Variants in ARFGEF2 observed in about 807,000 individuals in gnomAD.
ARFGEF2 encodes the protein brefeldin A-inhibited guanine nucleotide-exchange protein 2.
Under a neutral mutation model 219.9 loss-of-function variants are expected in ARFGEF2, and 74 were observed. That is an observed-to-expected ratio of 0.34 (90% CI 0.28 to 0.41). The LOEUF (loss-of-function observed/expected upper bound fraction) is 0.41. Ranked by LOEUF, ARFGEF2 falls within the 10% of genes least tolerant of loss-of-function variation. The pLI is 1.00. For missense variants in ARFGEF2, 1,743 were observed against 2,218.3 expected, an observed-to-expected ratio of 0.79 and a Z score of 4.30; for synonymous variants, 733 against 799.2, an observed-to-expected ratio of 0.92 and a Z score of 1.40.
At chr20:48,942,943 C>T (rs1009433779) in intron 3 of ARFGEF2, among the ~76,000 whole-genome samples, 1 of 152,110 alleles carries the variant, frequency 6.6e-6, no homozygotes, top group Non-Finnish European at 1.5e-5. Flanking sequence ...ACATTGAACT[C>T]AGGGGCCACG....
intron 1 of ARFGEF2, among the ~76,000 whole-genome samples, chr20:48,934,228 T>C (rs1254218154): frequency 6.6e-6 from 1 of 151,966 alleles, no homozygotes; most frequent in Non-Finnish European, 1.5e-5. Context: ...AACCCAGCTC[T>C]GTCTCACACC....
intron 1 of ARFGEF2, among the ~76,000 whole-genome samples, chr20:48,939,861 C>T (rs1040136844): frequency 6.6e-6 from 1 of 152,136 alleles, no homozygotes; most frequent in African/African-American, 2.4e-5. Flanking sequence ...CCTTCAGTAC[C>T]GTGTCCTGGG....
intron 25 of ARFGEF2, among the ~76,000 whole-genome samples, chr20:49,001,499 A>C (rs1016707391): frequency 6.6e-6 from 1 of 152,200 alleles, no homozygotes; most frequent in Non-Finnish European, 1.5e-5. Flanking sequence ...TCGCACAGTC[A>C]CATGATTCTC....
At chr20:48,922,068 T>C in intron 1 of ARFGEF2, 58 bp downstream of exon 1, 1 of 1,531,900 alleles carries the variant, frequency 6.5e-7, no homozygotes, top group Non-Finnish European at 8.8e-7. Flanking sequence ...GCCGTTGCCC[T>C]ATCCTACTCG....
chr20:48,979,985 G>C (rs1216090806), intron 14 of ARFGEF2, among the ~76,000 whole-genome samples: 1 of 151,726 alleles, frequency 6.6e-6, no homozygotes, highest in East Asian at 1.9e-4. Flanking sequence ...ATCTCCTTCA[G>C]TTCTGCTCTG....
intron 28 of ARFGEF2, among the ~76,000 whole-genome samples, chr20:49,012,292 C>T (rs2091504482): frequency 6.6e-6 from 1 of 152,146 alleles, no homozygotes; most frequent in Non-Finnish European, 1.5e-5. Context: ...TTTATTCATA[C>T]TGAATCTATG....
rs1054947953 is a variant in ARFGEF2 at position 49,033,394 on chromosome 20, A to T, written c.*195A>T. 4 of 614,902 alleles carry T rather than the reference A, an allele frequency of 6.5e-6. No homozygotes were observed. Among genetic ancestry groups the T allele is most frequent in the Non-Finnish European group, 1.1e-5 (4 of 349,612 alleles). The allele number at this position is 614,902 out of a possible 1,614,324, so 38.1% of individuals were successfully genotyped here. ...TTATGGTATTTCATTAAACTGTTGC[A>T]TACCCAGTTAGCACAGTAGGTGGGG... On this transcript the variant is annotated 3_prime_UTR_variant, in exon 39 of 39. Transcript: ENST00000371917.
In ARFGEF2 at chr20:48,971,110, T is replaced by C. The variant is rs912449011; in HGVS notation, c.1191-10T>C. 6.2e-7 allele frequency: 1 copy of C among 1,613,578 alleles called. No homozygotes were observed. Among genetic ancestry groups the C allele is most frequent in the Admixed American group, 1.7e-5 (1 of 60,032 alleles). On this transcript the variant is annotated splice_polypyrimidine_tract_variant and intron_variant, in intron 9 of 38. Coordinates refer to ENST00000371917, the MANE Select transcript of ARFGEF2 (RefSeq NM_006420.3). ...TTAGCACTGTTGTGGTTTTTCATTT[T>C]CTTTGCCAGATCCCATGAGCTGCGT... is the stretch of plus-strand genomic sequence containing the variant.
intron 1 of ARFGEF2, among the ~76,000 whole-genome samples, chr20:48,924,428 C>T (rs552320586): frequency 6.9e-6 from 1 of 145,548 alleles, no homozygotes; most frequent in South Asian, 2.2e-4. Flanking sequence ...AGGAGAATGG[C>T]GTGAACCCAG....
At chr20:48,982,595 C>T (rs1488299891) in intron 14 of ARFGEF2, among the ~76,000 whole-genome samples, 1 of 152,150 alleles carries the variant, frequency 6.6e-6, no homozygotes, top group Non-Finnish European at 1.5e-5. Flanking sequence ...ATGCCCTGCC[C>T]CCAGAGGTAG....
chr20:48,963,978 G>T, intron 7 of ARFGEF2, 80 bp downstream of exon 7: 1 of 1,334,506 alleles, frequency 7.5e-7, no homozygotes, highest in Non-Finnish European at 1.1e-6. Flanking sequence ...TAGTGGTGGA[G>T]TTTCCTCTTC....
chr20:48,994,383 T>G, intron 21 of ARFGEF2, 68 bp from the exon 22 acceptor site: 2 of 1,600,498 alleles, frequency 1.2e-6, no homozygotes, highest in South Asian at 2.2e-5. Flanking sequence ...ATGACTAACT[T>G]AAGATTACAG....
At chr20:48,947,428 G>A (rs918608176) in intron 3 of ARFGEF2, among the ~76,000 whole-genome samples, 2 of 151,704 alleles carry the variant, frequency 1.3e-5, no homozygotes. Context: ...TATGGGTTGG[G>A]CATGATGGTT....
At chr20:48,927,491 C>T (rs978532490) in intron 1 of ARFGEF2, among the ~76,000 whole-genome samples, 2 of 152,116 alleles carry the variant, frequency 1.3e-5, no homozygotes, top group African/African-American at 2.4e-5. Context: ...GGGTTCAAGA[C>T]TAGCCTGGCC....
At chr20:48,955,706 CAG>C (rs1208007490) in intron 6 of ARFGEF2, among the ~76,000 whole-genome samples, 1 of 152,186 alleles carries the variant, frequency 6.6e-6, no homozygotes, top group East Asian at 1.9e-4. Context: ...ACATGGGAAT[CAG>C]ATTGCCTGGG....
In ARFGEF2 at chr20:49,036,116, G is replaced by C. The variant is rs1297013090; in HGVS notation, c.*2917G>C. 2 of 398,010 alleles carry C rather than the reference G, an allele frequency of 5.0e-6. No homozygotes were observed. The highest frequency in any genetic ancestry group is 8.9e-6 in the Non-Finnish European group (2 of 225,880). The allele number at this position is 398,010 out of a possible 1,614,324, so 24.7% of individuals were successfully genotyped here. ...GTGTGACCATCTCATTCAAATGTTT[G>C]TTGTTATGATGCAAATGGATATTGG... is the stretch of plus-strand genomic sequence containing the variant. On this transcript the variant is annotated 3_prime_UTR_variant, in exon 39 of 39. Transcript: ENST00000371917.
chr20:48,999,470 C>T lies in ARFGEF2; in HGVS notation c.3432+965C>T, dbSNP rs190852609. Among the ~76,000 whole-genome samples, 263 of 152,174 alleles carry T rather than the reference C, an allele frequency of 1.7e-3. 1 individual carries two copies. The highest frequency in any genetic ancestry group is 6.0e-3 in the African/African-American group (251 of 41,528). On this transcript the variant is annotated intron_variant, in intron 25 of 38. Coordinates refer to ENST00000371917, the MANE Select transcript of ARFGEF2 (RefSeq NM_006420.3). ...AGCAATCAAAAGAAATGTATGTGGC[C>T]GGGCGTCATGGCTCACGCCTGTAAT...
Position 49,018,989 on chromosome 20 carries a change from C to T in ARFGEF2, c.4615C>T (p.Pro1539Ser), listed in dbSNP as rs1248568108. The change falls in exon 34 of 39, where the codon CCA becomes TCA. Residue 1539 changes from proline (P) to serine (S), a missense_variant. Coordinates refer to ENST00000371917, the MANE Select transcript of ARFGEF2 (RefSeq NM_006420.3). ...NPTDDSWKGRPYANQKLFASL... is the reference protein window; with the variant it reads ...NPTDDSWKGRSYANQKLFASL... Reference sequence around the variant, plus strand: ...AACAGATGACAGCTGGAAGGGTAGACCATACGCAAGTAAGGCCACTTTTTA... The same window carrying T: ...AACAGATGACAGCTGGAAGGGTAGATCATACGCAAGTAAGGCCACTTTTTA... 8 of 1,613,562 alleles carry T rather than the reference C, an allele frequency of 5.0e-6. No individual in the cohort carries two copies. Among genetic ancestry groups the T allele is most frequent in the Non-Finnish European group, 5.9e-6 (7 of 1,179,546 alleles).
In ARFGEF2 at chr20:49,028,543, G is replaced by A; in HGVS notation, c.4938G>A (p.Lys1646=). Residue 1646 remains lysine (K), a synonymous_variant, in exon 37 of 39, where the codon AAG becomes AAA. Coordinates refer to ENST00000371917, the MANE Select transcript of ARFGEF2 (RefSeq NM_006420.3). ...TCTGATCTCTAGGTTTTAAGGGCAA[G>A]TCTAAACCCAATCTTCTAAAACAAG... ...TVLWRAGFKG[K]SKPNLLKQET... The A allele has an allele frequency of 6.2e-7, 1 of 1,614,224 alleles. No individual in the cohort carries two copies. The highest frequency in any genetic ancestry group is 1.1e-5 in the South Asian group (1 of 91,090).
Sources: allele counts gnomAD v4.1 joint callset (sites outside exome capture counted in the v4.1 genomes callset), GRCh38; gene constraint gnomAD v4.1.1; transcripts MANE v1.5; gene names NCBI Gene and HGNC (gene_info 2026-07-23, HGNC 2026-07-21).